The following OCA2 variants were observed in gnomAD, a reference collection of about 807,000 sequenced individuals.
OCA2 encodes the protein OCA2 melanosomal transmembrane protein.
In OCA2, 77 loss-of-function variants were observed where a neutral mutation model predicts 100.2. That is an observed-to-expected ratio of 0.77 (90% confidence interval 0.64 to 0.93). The LOEUF (loss-of-function observed/expected upper bound fraction) is 0.93. OCA2 is among the 40% of genes least tolerant of loss of function. OCA2 has a pLI of 0.00. For synonymous variants in OCA2, 432 were observed against 439.2 expected, an observed-to-expected ratio of 0.98 and a Z score of 0.21; for missense variants, 1,062 against 1,089.1, an observed-to-expected ratio of 0.98 and a Z score of 0.35.
At position 27,815,195 on chromosome 15, in the gene OCA2, C is replaced by T. The variant is rs74005226; in HGVS notation, c.2432+29764G>A. ...GGACGGGGAGAAGCTTCCCATTCGC[C>T]GCAATGCCTCTGCCCAGGTGAACTC... On this transcript the variant is annotated intron_variant, in intron 23 of 23. Transcript: ENST00000354638. Among the ~76,000 whole-genome samples the T allele has an allele frequency of 3.1e-3, 472 of 152,196 alleles. 5 individuals are homozygous for T. Among genetic ancestry groups the T allele is most frequent in the African/African-American group, 9.8e-3 (409 of 41,534 alleles).
chr15:27,984,501 T>G (rs1256536550), intron 13 of OCA2, among the ~76,000 whole-genome samples: 1 of 152,160 alleles, frequency 6.6e-6, no homozygotes, highest in Non-Finnish European at 1.5e-5. Context: ...GAGAAGAACA[T>G]GGACAGGGAC....
At chr15:27,862,480 T>TTC (rs1197864994) in intron 21 of OCA2, among the ~76,000 whole-genome samples, 17 of 151,278 alleles carry the variant, frequency 1.1e-4, no homozygotes, top group African/African-American at 4.1e-4. Context: ...CTCAGACATT[T>TTC]TTTTTTTTTT....
At chr15:27,949,805 T>A (rs1001527223) in intron 18 of OCA2, among the ~76,000 whole-genome samples, 7 of 152,218 alleles carry the variant, frequency 4.6e-5, no homozygotes, top group African/African-American at 1.7e-4. Context: ...TCAGAAAAGT[T>A]CTTATAACTC....
intron 19 of OCA2, among the ~76,000 whole-genome samples, chr15:27,907,280 T>C (rs1166178011): frequency 6.6e-6 from 1 of 152,236 alleles, no homozygotes; most frequent in African/African-American, 2.4e-5. Context: ...TTAAAAATGT[T>C]CTATTGAAAC....
At chr15:27,866,115 C>T (rs1442545601) in intron 21 of OCA2, among the ~76,000 whole-genome samples, 1 of 152,050 alleles carries the variant, frequency 6.6e-6, no homozygotes, top group Non-Finnish European at 1.5e-5. Flanking sequence ...GGCAGGCCAT[C>T]GTACCCAGAG....
intron 19 of OCA2, among the ~76,000 whole-genome samples, chr15:27,917,085 G>C (rs1455125360): frequency 2.6e-5 from 4 of 152,144 alleles, no homozygotes; most frequent in African/African-American, 9.7e-5. Flanking sequence ...GTGGGGCCCA[G>C]AGAGTTTGCC....
intron 23 of OCA2, among the ~76,000 whole-genome samples, chr15:27,843,941 G>A (rs898204873): frequency 6.6e-6 from 1 of 152,078 alleles, no homozygotes; most frequent in Non-Finnish European, 1.5e-5. Flanking sequence ...CTTTACCCGA[G>A]GCTGGTTCTG....
chr15:27,866,477 C>G (rs2036329604), intron 21 of OCA2, among the ~76,000 whole-genome samples: 1 of 152,216 alleles, frequency 6.6e-6, no homozygotes, highest in South Asian at 2.1e-4. Context: ...GAGGCAGACA[C>G]AGAGTTATTC....
rs2141296901 is a variant in OCA2, at chr15:28,022,481, T to A, written c.646+20A>T. ...GATCTCAGCCAGGCGGCTGGCCATC[T>A]CAGAGTGGATTTTGGATACAGTAGT... On this transcript the variant is annotated intron_variant, in intron 6 of 23. Coordinates refer to ENST00000354638, the MANE Select transcript of OCA2 (RefSeq NM_000275.3). 1 of 1,592,074 alleles carries A rather than the reference T, an allele frequency of 6.3e-7. No homozygotes were observed. The highest frequency in any genetic ancestry group is 8.6e-7 in the Non-Finnish European group (1 of 1,159,886).
At chr15:28,070,845 G>A (rs2044236286) in intron 2 of OCA2, among the ~76,000 whole-genome samples, 1 of 142,722 alleles carries the variant, frequency 7.0e-6, no homozygotes, top group Non-Finnish European at 1.5e-5. Flanking sequence ...TTGGGATCCT[G>A]TTGATCTGTG....
chr15:28,082,576 G>T (rs2044680155), intron 1 of OCA2, among the ~76,000 whole-genome samples: 1 of 152,176 alleles, frequency 6.6e-6, no homozygotes, highest in Non-Finnish European at 1.5e-5. Flanking sequence ...CATTTAAAAT[G>T]ATCTAAGAGA....
rs181797546 is a variant in OCA2, at chr15:27,867,044, C to T, written c.2244+4110G>A. On this transcript the variant is annotated intron_variant, in intron 21 of 23. Transcript: ENST00000354638. ...CAAAAGCTGGGGGCTTGTGGGCAGC[C>T]GCCCCCCATTCCCAGTGTGCAGTTG... 3.2e-3 allele frequency among the ~76,000 whole-genome samples: 491 copies of T among 152,328 alleles called. 3 individuals are homozygous for T. Among genetic ancestry groups the T allele is most frequent in the African/African-American group, 0.011 (457 of 41,576 alleles).
chr15:27,899,368 G>A (rs2151637834), intron 19 of OCA2, among the ~76,000 whole-genome samples: 1 of 152,286 alleles, frequency 6.6e-6, no homozygotes, highest in South Asian at 2.1e-4. Flanking sequence ...ATTAAGTTGA[G>A]GACCCGGAGA....
chr15:27,727,563 G>A, the OCA2 span, among the ~76,000 whole-genome samples: 1 of 152,120 alleles, frequency 6.6e-6, no homozygotes, highest in African/African-American at 2.4e-5. Context: ...AGGTAACATC[G>A]GCTCAGCTCA....
intron 9 of OCA2, among the ~76,000 whole-genome samples, chr15:27,999,698 G>T (rs534411276): frequency 6.6e-6 from 1 of 152,156 alleles, no homozygotes; most frequent in South Asian, 2.1e-4. Flanking sequence ...TTACAGATGT[G>T]ATCTTATATA....
At chr15:27,954,136 CA>C (rs2040134349) in intron 17 of OCA2, among the ~76,000 whole-genome samples, 3 of 146,392 alleles carry the variant, frequency 2.0e-5, no homozygotes, top group Non-Finnish European at 3.0e-5. Context: ...CACACACACA[CA>C]CACACACACA....
intron 19 of OCA2, among the ~76,000 whole-genome samples, chr15:27,885,755 G>GA (rs2037196571): frequency 8.4e-6 from 1 of 119,426 alleles, no homozygotes. Flanking sequence ...TCCTTTATTT[G>GA]TTTGATGTGC....
chr15:28,001,672 A>G (rs1302229620), intron 9 of OCA2, among the ~76,000 whole-genome samples: 1 of 151,988 alleles, frequency 6.6e-6, no homozygotes, highest in East Asian at 1.9e-4. Flanking sequence ...AAACTTCCAA[A>G]TGACTTGGAC....
At chr15:27,762,661 C>T (rs1435897750) in intron 23 of OCA2, among the ~76,000 whole-genome samples, 1 of 152,206 alleles carries the variant, frequency 6.6e-6, no homozygotes, top group Admixed American at 6.5e-5. Flanking sequence ...TCATGCATGT[C>T]ACCCTCCTTA....
Sources: allele counts gnomAD v4.1 joint callset (sites outside exome capture counted in the v4.1 genomes callset), GRCh38; gene constraint gnomAD v4.1.1; transcripts MANE v1.5; gene names NCBI Gene and HGNC (gene_info 2026-07-23, HGNC 2026-07-21).